Variants in MORC1 observed in about 807,000 individuals in gnomAD.
The protein encoded by MORC1 is MORC family CW-type zinc finger 1.
MORC1 carries 59 observed loss-of-function variants against 134.9 expected under a neutral mutation model. The observed-to-expected ratio is 0.44, with a 90% confidence interval of 0.35 to 0.54. The LOEUF (loss-of-function observed/expected upper bound fraction) is 0.54. MORC1 is among the 20% of genes least tolerant of loss of function. The pLI is 0.00. For missense variants in MORC1, 947 were observed against 1,134.5 expected, an observed-to-expected ratio of 0.83 and a Z score of 2.37; for synonymous variants, 395 against 391.7, an observed-to-expected ratio of 1.01 and a Z score of -0.10.
At chr3:108,996,211 C>A (rs1948202455) in intron 21 of MORC1, among the ~76,000 whole-genome samples, 1 of 151,914 alleles carries the variant, frequency 6.6e-6, no homozygotes, top group Admixed American at 6.6e-5. Flanking sequence ...TCATCATGGC[C>A]ACACAGAAAG....
At chr3:109,074,344 A>C (rs1950378701) in intron 8 of MORC1, among the ~76,000 whole-genome samples, 1 of 152,196 alleles carries the variant, frequency 6.6e-6, no homozygotes, top group African/African-American at 2.4e-5. Flanking sequence ...TGAGTGATTA[A>C]TATTTGTAAT....
intron 9 of MORC1, among the ~76,000 whole-genome samples, chr3:109,065,364 C>T (rs1019705213): frequency 2.0e-5 from 3 of 152,126 alleles, no homozygotes; most frequent in African/African-American, 7.2e-5. Flanking sequence ...CCTGTCTTTG[C>T]ACTTACTGTC....
At chr3:109,062,483 C>T (rs965914017) in intron 10 of MORC1, among the ~76,000 whole-genome samples, 5 of 149,752 alleles carry the variant, frequency 3.3e-5, no homozygotes, top group Admixed American at 1.3e-4. Flanking sequence ...TGCAGTGGCG[C>T]GATCTCAGCT....
chr3:108,989,326 T>C (rs903591127), intron 21 of MORC1, among the ~76,000 whole-genome samples: 3 of 152,204 alleles, frequency 2.0e-5, no homozygotes, highest in Non-Finnish European at 4.4e-5. Flanking sequence ...TATCATGAAA[T>C]AGACAACACC....
At position 109,100,317 on chromosome 3, in the gene MORC1, T is replaced by C. The variant is rs192635665; in HGVS notation, c.314+100A>G. 11 of 971,456 alleles carry C rather than the reference T, an allele frequency of 1.1e-5. No individual in the cohort carries two copies. In the Admixed American group the frequency reaches 1.6e-4, roughly 14 times the overall value. The allele number at this position is 971,456 out of a possible 1,614,324, so 60.2% of individuals were successfully genotyped here. On this transcript the variant is annotated intron_variant, in intron 5 of 27. Transcript: ENST00000232603. Reference sequence around the variant, plus strand: ...CACCCCTGCCTCAAGTTTATATATTTTTTAAAGCTTTACATGCCTGCATCA... The same window carrying C: ...CACCCCTGCCTCAAGTTTATATATTCTTTAAAGCTTTACATGCCTGCATCA...
chr3:109,013,284 T>A (rs1948741598), intron 17 of MORC1, among the ~76,000 whole-genome samples: 1 of 152,188 alleles, frequency 6.6e-6, no homozygotes, highest in African/African-American at 2.4e-5. Flanking sequence ...TTTTTAAACA[T>A]GTCATTATAA....
chr3:108,974,614 C>T (rs1947497170), intron 24 of MORC1, among the ~76,000 whole-genome samples: 1 of 152,194 alleles, frequency 6.6e-6, no homozygotes, highest in South Asian at 2.1e-4. Context: ...TAAGTAGATG[C>T]ACTTGGGGCA....
chr3:109,103,064 T>C (rs572416832), intron 4 of MORC1, among the ~76,000 whole-genome samples: 18 of 152,262 alleles, frequency 1.2e-4, no homozygotes, highest in Admixed American at 3.3e-4. Flanking sequence ...AGCAAATCAA[T>C]ATTTGAGCAT....
At chr3:108,991,523 C>T (rs1948060191) in intron 21 of MORC1, among the ~76,000 whole-genome samples, 1 of 152,150 alleles carries the variant, frequency 6.6e-6, no homozygotes, top group African/African-American at 2.4e-5. Flanking sequence ...TCTTTCCTCT[C>T]TTGATCTTCA....
At chr3:109,062,099 T>A (rs1195410613) in intron 10 of MORC1, 41 bp from the exon 11 acceptor site, 1 of 1,568,524 alleles carries the variant, frequency 6.4e-7, no homozygotes, top group Admixed American at 1.7e-5. Context: ...AGCAAAATTA[T>A]TTCAAGCAAT....
chr3:109,075,048 G>T (rs1485139873), intron 8 of MORC1, among the ~76,000 whole-genome samples: 1 of 152,098 alleles, frequency 6.6e-6, no homozygotes, highest in Non-Finnish European at 1.5e-5. Context: ...TGCTCCTACA[G>T]AACTGAATTC....
intron 17 of MORC1, among the ~76,000 whole-genome samples, chr3:109,022,790 C>T (rs1948989893): frequency 6.6e-6 from 1 of 152,154 alleles, no homozygotes; most frequent in African/African-American, 2.4e-5. Flanking sequence ...TCATTGTTTG[C>T]TAAATACCTA....
intron 27 of MORC1, among the ~76,000 whole-genome samples, chr3:108,962,456 T>C (rs1210728288): frequency 1.3e-5 from 2 of 152,132 alleles, no homozygotes; most frequent in Admixed American, 6.5e-5. Flanking sequence ...TATACAGATA[T>C]ATGTATGGCG....
At position 109,090,192 on chromosome 3, in the gene MORC1, G is replaced by C. The variant is rs146954184; in HGVS notation, c.689+3244C>G. Among the ~76,000 whole-genome samples, 1,329 of 152,086 alleles carry C rather than the reference G, an allele frequency of 8.7e-3. 7 individuals are homozygous for C. The highest frequency in any genetic ancestry group is 0.027 in the Middle Eastern group (8 of 294). On this transcript the variant is annotated intron_variant, in intron 8 of 27. Coordinates refer to ENST00000232603, the MANE Select transcript of MORC1 (RefSeq NM_014429.4). ...ACAGGCCACCACTGTTCATGTGCTT[G>C]AACATCACTTCTACTGAAATTCTCT...
chr3:109,057,587 A>G (rs1323334941), intron 12 of MORC1, 101 bp from the exon 13 acceptor site: 1 of 1,110,426 alleles, frequency 9.0e-7, no homozygotes, highest in Non-Finnish European at 1.2e-6. Context: ...CGTCAAAGGC[A>G]TATATCCAAA....
rs536004157 is a variant in MORC1, at chr3:109,005,051, T to C, written c.2013+19A>G. 36 of 1,596,164 alleles carry C rather than the reference T, an allele frequency of 2.3e-5. No individual in the cohort carries two copies. The South Asian group carries it at 3.5e-4, about 16-fold the overall frequency. On this transcript the variant is annotated intron_variant, in intron 19 of 27. Transcript: ENST00000232603. ...CAGAATGAGTGAATTGTTTTGTGAA[T>C]AAGAAACAATAATAATACCTGGGAT...
At chr3:109,034,644 G>C (rs908621876) in intron 15 of MORC1, among the ~76,000 whole-genome samples, 2 of 151,920 alleles carry the variant, frequency 1.3e-5, no homozygotes, top group African/African-American at 4.8e-5. Flanking sequence ...TAGAAAGATG[G>C]CTCTTTCTAT....
At chr3:109,013,328 A>G (rs1948742178) in intron 17 of MORC1, among the ~76,000 whole-genome samples, 1 of 152,170 alleles carries the variant, frequency 6.6e-6, no homozygotes, top group Non-Finnish European at 1.5e-5. Flanking sequence ...TCTTTGCCAG[A>G]GCTTTCTATA....
intron 21 of MORC1, among the ~76,000 whole-genome samples, chr3:108,987,264 CAAAT>C (rs1394729838): frequency 2.6e-5 from 4 of 152,158 alleles, no homozygotes; most frequent in Admixed American, 2.6e-4. Context: ...ATGTCTACAA[CAAAT>C]GGGTCAAGTA....
Sources: allele counts gnomAD v4.1 joint callset (sites outside exome capture counted in the v4.1 genomes callset), GRCh38; gene constraint gnomAD v4.1.1; transcripts MANE v1.5; gene names NCBI Gene and HGNC (gene_info 2026-07-23, HGNC 2026-07-21).